Variants in ITGB8 observed in about 807,000 individuals in gnomAD.
The protein encoded by ITGB8 is integrin subunit beta 8, also known as integrin beta-8.
A neutral mutation model predicts 89.5 loss-of-function variants in ITGB8; 30 were observed. The ratio of observed to expected loss-of-function variants is 0.34; its 90% CI spans 0.25 to 0.45. The LOEUF is 0.45. ITGB8 is among the 20% of genes least tolerant of loss of function. ITGB8 has a pLI of 1.00. For synonymous variants in ITGB8, 335 were observed against 320.4 expected, an observed-to-expected ratio of 1.05 and a Z score of -0.49; for missense variants, 836 against 933.3, an observed-to-expected ratio of 0.90 and a Z score of 1.36.
At position 20,380,693 on chromosome 7, in the gene ITGB8, C is replaced by A; in HGVS notation, c.663C>A (p.Pro221=). The A allele has an allele frequency of 6.2e-7, 1 of 1,612,582 alleles. No homozygotes were observed. The highest frequency in any genetic ancestry group is 8.5e-7 in the Non-Finnish European group (1 of 1,178,666). ...ACTACAATTTAGACTGCATGCCTCC[C>A]CATGGATACATCCATGTGCTGTCTT... ...CSDYNLDCMP[P]HGYIHVLSLT... Residue 221 remains proline (P), a synonymous_variant, in exon 5 of 14, where the codon CCC becomes CCA. Coordinates refer to ENST00000222573, the MANE Select transcript of ITGB8 (RefSeq NM_002214.3).
At chr7:20,334,333 G>C (rs1419472674) in intron 1 of ITGB8, among the ~76,000 whole-genome samples, 3 of 152,066 alleles carry the variant, frequency 2.0e-5, no homozygotes, top group African/African-American at 4.8e-5. Flanking sequence ...AGTTAATGTA[G>C]CAACATTGTT....
chr7:20,365,660 A>C (rs1342099549), intron 2 of ITGB8: 1 of 152,286 alleles, frequency 6.6e-6, no homozygotes, highest in Non-Finnish European at 1.5e-5. Flanking sequence ...AACTAGGAGG[A>C]TTGCCTGCAT....
chr7:20,408,152 C>T (rs1353187362), intron 12 of ITGB8, among the ~76,000 whole-genome samples: 1 of 152,076 alleles, frequency 6.6e-6, no homozygotes, highest in Admixed American at 6.5e-5. Flanking sequence ...ATTGAGTAGT[C>T]CTAAATCAAC....
rs1787811257 is a variant in ITGB8 at position 20,412,861 on chromosome 7, A to G, written c.*2864A>G. 6.6e-6 allele frequency: 1 copy of G among 152,640 alleles called. No individual in the cohort carries two copies. The highest frequency in any genetic ancestry group is 2.4e-5 in the African/African-American group (1 of 41,456). 9.5% of individuals were successfully genotyped at this position (152,640 alleles called of 1,614,324 possible). The stretch of plus-strand genomic sequence containing the variant: ...CTTAGGTTAAATAATGTATGCAAAT[A>G]GAGTCTATTTTCAACTAATATGGCC... On this transcript the variant is annotated 3_prime_UTR_variant, in exon 14 of 14. Coordinates refer to ENST00000222573, the MANE Select transcript of ITGB8 (RefSeq NM_002214.3).
intron 1 of ITGB8, among the ~76,000 whole-genome samples, chr7:20,341,708 G>A (rs915023381): frequency 6.6e-6 from 1 of 152,142 alleles, no homozygotes; most frequent in African/African-American, 2.4e-5. Context: ...TTTTAGGGCT[G>A]TCCGGGGCTG....
At chr7:20,409,452 GC>G (rs1346942433) in intron 12 of ITGB8, among the ~76,000 whole-genome samples, 162 bp from the exon 13 acceptor site, 2 of 152,178 alleles carry the variant, frequency 1.3e-5, no homozygotes, top group East Asian at 3.8e-4. Flanking sequence ...AAATTAGAGA[GC>G]TTTTTGTTTT....
At chr7:20,363,488 A>G (rs573744810) in intron 1 of ITGB8, 149 bp from the exon 2 acceptor site, 7 of 456,762 alleles carry the variant, frequency 1.5e-5, no homozygotes, top group Non-Finnish European at 2.7e-5. Context: ...AATAAATTAT[A>G]TATCTTTGTT....
At chr7:20,378,143 C>T (rs930035727) in intron 3 of ITGB8, among the ~76,000 whole-genome samples, 1 of 152,048 alleles carries the variant, frequency 6.6e-6, no homozygotes, top group Non-Finnish European at 1.5e-5. Flanking sequence ...GTAGAGGTAC[C>T]AACTCTATAG....
Position 20,331,790 on chromosome 7 carries a change from G to A in ITGB8, c.-17G>A. On this transcript the variant is annotated 5_prime_UTR_variant, in exon 1 of 14. Transcript: ENST00000222573. ...AAGGCAGTCAGGCGGCGGGCGCGGGGCGGGCTGTTTTGCATTATGTGCGGC... is the reference window on the plus strand; with the variant it reads ...AAGGCAGTCAGGCGGCGGGCGCGGGACGGGCTGTTTTGCATTATGTGCGGC... The A allele has an allele frequency of 8.1e-6, 13 of 1,607,364 alleles. No homozygotes were observed. The highest frequency in any genetic ancestry group is 1.1e-5 in the Non-Finnish European group (13 of 1,177,322).
chr7:20,382,700 T>C (rs930275354), intron 6 of ITGB8, among the ~76,000 whole-genome samples: 2 of 152,186 alleles, frequency 1.3e-5, no homozygotes, highest in Admixed American at 1.3e-4. Context: ...AGTGGTTAAG[T>C]CCAAATAACT....
Position 20,410,464 on chromosome 7 carries a change from G to GGT in ITGB8, c.*468_*469dup, listed in dbSNP as rs1268960292. On this transcript the variant is annotated 3_prime_UTR_variant, in exon 14 of 14. Coordinates refer to ENST00000222573, the MANE Select transcript of ITGB8 (RefSeq NM_002214.3). Reference sequence around the variant, plus strand: ...GTTGCCAAACACTTCAACAGTTGGTGGTTGAATAGACAAGAACAGCTAGAT... The same window carrying GGT: ...GTTGCCAAACACTTCAACAGTTGGTGGTGTTGAATAGACAAGAACAGCTAGAT... 6.4e-6 allele frequency: 1 copy of GGT among 155,232 alleles called. No homozygotes were observed. Among genetic ancestry groups the GGT allele is most frequent in the Non-Finnish European group, 1.4e-5 (1 of 70,292 alleles). 9.6% of individuals were successfully genotyped at this position (155,232 alleles called of 1,614,324 possible).
chr7:20,414,327 C>T lies in ITGB8; in HGVS notation c.*4330C>T, dbSNP rs1787863485. 6.6e-6 allele frequency: 1 copy of T among 152,128 alleles called. No individual in the cohort carries two copies. The highest frequency in any genetic ancestry group is 6.6e-5 in the Admixed American group (1 of 15,256). The allele number at this position is 152,128 out of a possible 1,614,324, so 9.4% of individuals were successfully genotyped here. On this transcript the variant is annotated 3_prime_UTR_variant, in exon 14 of 14. Coordinates refer to ENST00000222573, the MANE Select transcript of ITGB8 (RefSeq NM_002214.3). ...CCCGCATATCTTGAGTTTACAAAAG[C>T]TCTTTCAGGTCCCCATTTATACTTT...
chr7:20,377,958 A>G (rs1175363175), intron 3 of ITGB8, among the ~76,000 whole-genome samples: 3 of 152,266 alleles, frequency 2.0e-5, no homozygotes, highest in Non-Finnish European at 4.4e-5. Flanking sequence ...TTAAATAGGT[A>G]AATTATGTAT....
chr7:20,377,835 G>A (rs1786216363), intron 3 of ITGB8, among the ~76,000 whole-genome samples: 1 of 152,036 alleles, frequency 6.6e-6, no homozygotes, highest in African/African-American at 2.4e-5. Flanking sequence ...TTATTATTTT[G>A]AATACAGTAG....
chr7:20,356,749 ATGT>A (rs933223731), intron 1 of ITGB8, among the ~76,000 whole-genome samples: 9 of 152,170 alleles, frequency 5.9e-5, no homozygotes, highest in Non-Finnish European at 2.9e-5. Context: ...CATCCTTTAA[ATGT>A]TGTTGAAATT....
At chr7:20,400,925 C>G (rs928975745) in intron 9 of ITGB8, among the ~76,000 whole-genome samples, 1 of 152,088 alleles carries the variant, frequency 6.6e-6, no homozygotes, top group Admixed American at 6.5e-5. Context: ...AAAATAGGAA[C>G]AAAATTAAAA....
intron 1 of ITGB8, chr7:20,346,684 C>CT: frequency 1.0e-6 from 1 of 985,184 alleles, no homozygotes; most frequent in Non-Finnish European, 1.2e-6. Flanking sequence ...GCAACGTGGA[C>CT]TTTCTCTGGG....
chr7:20,407,027 G>C (rs557642863), intron 12 of ITGB8, among the ~76,000 whole-genome samples: 43 of 152,302 alleles, frequency 2.8e-4, no homozygotes, highest in African/African-American at 9.9e-4. Flanking sequence ...AGGAAGTTCA[G>C]AACTAGAAGC....
chr7:20,379,353 CTT>C (rs752543070), intron 4 of ITGB8, 56 bp downstream of exon 4: 30 of 1,256,218 alleles, frequency 2.4e-5, no homozygotes, highest in Admixed American at 2.8e-5. Context: ...TAAAATCTCA[CTT>C]TGTTTTTAAT....
Sources: allele counts gnomAD v4.1 joint callset (sites outside exome capture counted in the v4.1 genomes callset), GRCh38; gene constraint gnomAD v4.1.1; transcripts MANE v1.5; gene names NCBI Gene and HGNC (gene_info 2026-07-23, HGNC 2026-07-21).